NTNG1: variants seen among roughly 807,000 people sequenced by gnomAD.
NTNG1 encodes netrin G1.
NTNG1 carries 16 observed loss-of-function variants against 54.0 expected under a neutral mutation model. That is an observed-to-expected ratio of 0.30 (90% CI 0.20 to 0.45). The LOEUF (loss-of-function observed/expected upper bound fraction) is 0.45. Ranked by LOEUF, NTNG1 falls within the 20% of genes least tolerant of loss-of-function variation. NTNG1 has a pLI of 1.00. For missense variants in NTNG1, 530 were observed against 678.7 expected, an observed-to-expected ratio of 0.78 and a Z score of 2.43; for synonymous variants, 255 against 263.1, an observed-to-expected ratio of 0.97 and a Z score of 0.30.
chr1:107,400,055 C>T (rs999478701), intron 4 of NTNG1, among the ~76,000 whole-genome samples: 13 of 152,024 alleles, frequency 8.6e-5, no homozygotes, highest in African/African-American at 1.7e-4. Context: ...TTGATTTAGT[C>T]GTAATCAACC....
chr1:107,413,264 G>A (rs758762476), intron 5 of NTNG1, among the ~76,000 whole-genome samples: 15 of 151,280 alleles, frequency 9.9e-5, no homozygotes, highest in Non-Finnish European at 1.9e-4. Flanking sequence ...CTGGGTTCAC[G>A]CCATTCTCCC....
At chr1:107,265,757 G>A (rs1392251236) in intron 2 of NTNG1, among the ~76,000 whole-genome samples, 1 of 152,198 alleles carries the variant, frequency 6.6e-6, no homozygotes, top group African/African-American at 2.4e-5. Context: ...TCTTTGGTGA[G>A]AAGTAGAAGA....
intron 2 of NTNG1, among the ~76,000 whole-genome samples, chr1:107,308,012 G>T (rs915937229): frequency 2.0e-5 from 3 of 146,562 alleles, no homozygotes; most frequent in Admixed American, 6.8e-5. Flanking sequence ...TTTTAATAGT[G>T]TTTTTTTTTT....
In NTNG1 at chr1:107,483,191, G is replaced by A. The variant is rs1465383091; in HGVS notation, c.*2351G>A. 6.6e-6 allele frequency: 1 copy of A among 152,132 alleles called. No individual in the cohort carries two copies. Among genetic ancestry groups the A allele is most frequent in the African/African-American group, 2.4e-5 (1 of 41,432 alleles). The allele number at this position is 152,132 out of a possible 1,614,324, so 9.4% of individuals were successfully genotyped here. A position where few individuals can be genotyped will look rare whatever the true frequency, so the allele number is the denominator to read the frequency against. ...CCAAAGGCAGCCCATGTTATTTCTG[G>A]CAAAGATGCACTTTATCGTTATCTG... On this transcript the variant is annotated 3_prime_UTR_variant, in exon 8 of 8. Transcript: ENST00000370068.
Position 107,324,290 on chromosome 1 carries a change from C to T in NTNG1, c.255C>T (p.Pro85=), listed in dbSNP as rs1163531159. Residue 85 remains proline (P), a synonymous_variant, in exon 3 of 8, where the codon CCC becomes CCT. Coordinates refer to ENST00000370068, the MANE Select transcript of NTNG1 (RefSeq NM_001113226.3). ...TTGTTCTTCTTCCATAGGGCAATCC[C>T]TACATGTGCAATAATGAGTGTGATG... ...PPETFCAMGN[P]YMCNNECDAS... The T allele has an allele frequency of 6.2e-7, 1 of 1,613,050 alleles. No homozygotes were observed. Among genetic ancestry groups the T allele is most frequent in the East Asian group, 2.2e-5 (1 of 44,836 alleles).
At chr1:107,214,754 G>A (rs181751402) in intron 2 of NTNG1, among the ~76,000 whole-genome samples, 11 of 149,356 alleles carry the variant, frequency 7.4e-5, no homozygotes, top group African/African-American at 1.7e-4. Flanking sequence ...CACCAGCAGC[G>A]TAAAAGTGTT....
chr1:107,370,946 C>A (rs1369490299), intron 3 of NTNG1, among the ~76,000 whole-genome samples: 1 of 151,992 alleles, frequency 6.6e-6, no homozygotes, highest in Non-Finnish European at 1.5e-5. Context: ...TATACTGCAA[C>A]CTTGCTAAAT....
intron 4 of NTNG1, among the ~76,000 whole-genome samples, chr1:107,404,606 A>G (rs1317354902): frequency 6.6e-6 from 1 of 152,182 alleles, no homozygotes; most frequent in Admixed American, 6.6e-5. Context: ...AGCAACTCTT[A>G]TGTCATCAGA....
chr1:107,327,522 A>T (rs1364390473), intron 3 of NTNG1, among the ~76,000 whole-genome samples: 1 of 152,170 alleles, frequency 6.6e-6, no homozygotes, highest in Non-Finnish European at 1.5e-5. Flanking sequence ...ATAATCTCTA[A>T]AAGAAAGTTC....
chr1:107,263,666 A>AC (rs2101661251), intron 2 of NTNG1, among the ~76,000 whole-genome samples: 1 of 152,278 alleles, frequency 6.6e-6, no homozygotes, highest in Non-Finnish European at 1.5e-5. Flanking sequence ...GTAACTTCCC[A>AC]CTTAGCATTT....
intron 7 of NTNG1, among the ~76,000 whole-genome samples, chr1:107,468,878 A>G (rs969775575): frequency 6.6e-6 from 1 of 152,110 alleles, no homozygotes; most frequent in African/African-American, 2.4e-5. Flanking sequence ...TGGGCGGATC[A>G]TGAGGTCAGG....
At chr1:107,418,485 G>C in intron 5 of NTNG1, 1 of 730,472 alleles carries the variant, frequency 1.4e-6, no homozygotes, top group East Asian at 2.8e-5. Flanking sequence ...AAGAGCAGAT[G>C]TGTGGTTTGT....
intron 2 of NTNG1, among the ~76,000 whole-genome samples, chr1:107,159,535 G>A (rs985774881): frequency 6.6e-6 from 1 of 152,112 alleles, no homozygotes; most frequent in African/African-American, 2.4e-5. Context: ...ACTCACCAGA[G>A]TAATTGGAGC....
At chr1:107,413,452 T>A (rs28636703) in intron 5 of NTNG1, among the ~76,000 whole-genome samples, 8 of 152,106 alleles carry the variant, frequency 5.3e-5, no homozygotes, top group South Asian at 2.1e-4. Context: ...GCTTAAAAAA[T>A]TTTTTTCAAT....
intron 2 of NTNG1, among the ~76,000 whole-genome samples, chr1:107,197,942 A>T (rs1658460579): frequency 6.6e-6 from 1 of 152,058 alleles, no homozygotes; most frequent in Non-Finnish European, 1.5e-5. Context: ...TACAAAAATA[A>T]TGATCCTATT....
intron 7 of NTNG1, among the ~76,000 whole-genome samples, chr1:107,459,598 T>C (rs772767708): frequency 6.6e-6 from 1 of 152,206 alleles, no homozygotes. Flanking sequence ...TTTGGAATTA[T>C]TTGCAGTCAA....
At chr1:107,377,709 G>C (rs968211760) in intron 3 of NTNG1, among the ~76,000 whole-genome samples, 5 of 152,236 alleles carry the variant, frequency 3.3e-5, no homozygotes, top group Non-Finnish European at 5.9e-5. Context: ...AAAGATGCAT[G>C]TATCTACCAA....
At chr1:107,318,644 A>G (rs1667472742) in intron 2 of NTNG1, among the ~76,000 whole-genome samples, 1 of 152,140 alleles carries the variant, frequency 6.6e-6, no homozygotes, top group Non-Finnish European at 1.5e-5. Flanking sequence ...GAGGCATTAC[A>G]TTTGTGAGTG....
chr1:107,420,175 T>C lies in NTNG1; in HGVS notation c.1088-10575T>C, dbSNP rs186860617. 1.4e-3 allele frequency among the ~76,000 whole-genome samples: 220 copies of C among 152,238 alleles called. 3 individuals are homozygous for C. Among genetic ancestry groups the C allele is most frequent in the Non-Finnish European group, 2.0e-3 (135 of 67,976 alleles). On this transcript the variant is annotated intron_variant, in intron 5 of 7. Transcript: ENST00000370068. ...GTTCAAAACCTGAAATAGGCCCATTTAATTATTTTGCTGTGCTGTCTGTGA... is the reference window on the plus strand; with the variant it reads ...GTTCAAAACCTGAAATAGGCCCATTCAATTATTTTGCTGTGCTGTCTGTGA...
Sources: allele counts gnomAD v4.1 joint callset (sites outside exome capture counted in the v4.1 genomes callset), GRCh38; gene constraint gnomAD v4.1.1; transcripts MANE v1.5; gene names NCBI Gene and HGNC (gene_info 2026-07-23, HGNC 2026-07-21).